The following NAIP variants were observed in gnomAD, a reference collection of about 807,000 sequenced individuals.
NAIP encodes baculoviral IAP repeat-containing protein 1.
Under a neutral mutation model 23.0 loss-of-function variants are expected in NAIP, and 15 were observed. The ratio of observed to expected loss-of-function variants is 0.65; its 90% CI spans 0.44 to 1.00. The LOEUF (loss-of-function observed/expected upper bound fraction) is 1.00. NAIP is among the 50% of genes least tolerant of loss of function. The pLI is 0.00. For synonymous variants in NAIP, 100 were observed against 100.2 expected (o/e 1.00, Z 0.01); for missense variants, 265 against 278.8 (o/e 0.95, Z 0.35).
At chr5:71,013,921 C>T (rs1461831893) in intron 3 of NAIP, among the ~76,000 whole-genome samples, 2 of 151,458 alleles carry the variant, frequency 1.3e-5, no homozygotes, top group Non-Finnish European at 1.5e-5. Context: ...TGTAAATTAG[C>T]TCCCCATTCC....
At chr5:71,009,489 C>T (rs531471366) in intron 5 of NAIP, among the ~76,000 whole-genome samples, 108 of 151,188 alleles carry the variant, frequency 7.1e-4, no homozygotes, top group African/African-American at 2.5e-3. Context: ...CCAGGAATTT[C>T]AGACCAGCCT....
Position 71,016,138 on chromosome 5 carries a change from C to T in NAIP, c.-3-3220G>A, listed in dbSNP as rs1341270458. ...TAAAAAAACTTTTTTTTTAAGAAAA[C>T]GAAAACTTAGCGGGGCATGGTGGCA... is the stretch of plus-strand genomic sequence containing the variant. On this transcript the variant is annotated intron_variant, in intron 3 of 16. Coordinates refer to ENST00000517649, the MANE Select transcript of NAIP (RefSeq NM_004536.3). Among the ~76,000 whole-genome samples, 9 of 150,354 alleles carry T rather than the reference C, an allele frequency of 6.0e-5. 1 individual carries two copies. Among genetic ancestry groups the T allele is most frequent in the East Asian group, 3.9e-4 (2 of 5,078 alleles).
chr5:71,011,852 A>G, intron 4 of NAIP: 1 of 353,832 alleles, frequency 2.8e-6, no homozygotes, highest in Non-Finnish European at 5.6e-6. Flanking sequence ...TATGCCTAGC[A>G]TAAAGTAGGT....
intron 13 of NAIP, among the ~76,000 whole-genome samples, chr5:70,978,012 CATAAA>C (rs2112871125): frequency 8.6e-6 from 1 of 115,640 alleles, no homozygotes; most frequent in South Asian, 3.5e-4. Context: ...AAAAAAGAAA[CATAAA>C]AGGAATGACA....
intron 5 of NAIP, among the ~76,000 whole-genome samples, chr5:71,010,073 A>G (rs1751074628): frequency 1.3e-5 from 2 of 151,526 alleles, no homozygotes; most frequent in African/African-American, 4.8e-5. Flanking sequence ...TCCAGCATAC[A>G]CCATTTTACA....
intron 3 of NAIP, 33 bp from the exon 4 acceptor site, chr5:71,012,951 A>G: frequency 6.7e-7 from 1 of 1,489,148 alleles, no homozygotes; most frequent in Non-Finnish European, 9.0e-7. Context: ...TTGATCCCTT[A>G]TAGTAAGATT....
chr5:71,015,423 AGAT>A (rs1297358162), intron 3 of NAIP, among the ~76,000 whole-genome samples: 1 of 143,588 alleles, frequency 7.0e-6, no homozygotes. Flanking sequence ...TATCAGGGAG[AGAT>A]GATAACAATT....
chr5:71,011,864 C>G (rs541363945), intron 4 of NAIP: 22 of 297,514 alleles, frequency 7.4e-5, no homozygotes, highest in African/African-American at 4.3e-4. Flanking sequence ...AAAGTAGGTA[C>G]AGTACTCAGT....
At chr5:70,979,587 T>A (rs200557379) in intron 13 of NAIP, among the ~76,000 whole-genome samples, 14,449 of 23,760 alleles carry the variant, frequency 0.61, 4,987 homozygotes, top group Non-Finnish European at 0.69. Flanking sequence ...AAAAAAAAAA[T>A]AATAATAATA....
At chr5:70,977,786 A>T (rs1334169488) in intron 13 of NAIP, among the ~76,000 whole-genome samples, 1 of 132,416 alleles carries the variant, frequency 7.6e-6, no homozygotes, top group African/African-American at 2.6e-5. Flanking sequence ...TGAGGTCAGG[A>T]GTTTGAGACT....
chr5:70,978,266 C>T (rs1750390734), intron 13 of NAIP, among the ~76,000 whole-genome samples: 2 of 149,976 alleles, frequency 1.3e-5, no homozygotes, highest in Admixed American at 1.3e-4. Context: ...ATCCTACCAG[C>T]CTCCTGAGTA....
At chr5:71,011,157 A>C (rs538791437) in intron 5 of NAIP, 118 bp downstream of exon 5, 6 of 712,016 alleles carry the variant, frequency 8.4e-6, no homozygotes, top group Non-Finnish European at 1.1e-5. Flanking sequence ...CACCTGAACC[A>C]GGGAGGGAGA....
chr5:71,017,859 T>A (rs1751514527), intron 3 of NAIP, among the ~76,000 whole-genome samples: 1 of 126,118 alleles, frequency 7.9e-6, no homozygotes, highest in Non-Finnish European at 1.7e-5. Flanking sequence ...TTTTTTTTTT[T>A]TTTTTTTATA....
chr5:70,977,666 A>C (rs1437770320), intron 13 of NAIP, among the ~76,000 whole-genome samples: 1 of 4,090 alleles, frequency 2.4e-4, no homozygotes, highest in African/African-American at 3.4e-4. Flanking sequence ...CTGCATCTCC[A>C]AAAAAAAAAA....
At chr5:70,973,121 C>T (rs1430674580) in intron 16 of NAIP, among the ~76,000 whole-genome samples, 1 of 151,784 alleles carries the variant, frequency 6.6e-6, no homozygotes, top group African/African-American at 2.4e-5. Context: ...AGGATGGTCT[C>T]GATCTCCTGA....
intron 4 of NAIP, chr5:71,011,819 T>A: frequency 2.4e-6 from 1 of 423,316 alleles, no homozygotes; most frequent in Non-Finnish European, 4.7e-6. Context: ...GTAAATTCAT[T>A]GGATAAGAAT....
intron 5 of NAIP, among the ~76,000 whole-genome samples, chr5:71,009,466 G>A (rs1211300727): frequency 4.6e-5 from 7 of 151,162 alleles, no homozygotes; most frequent in African/African-American, 1.5e-4. Flanking sequence ...CAAGGTGGGT[G>A]GATCACTTGA....
At chr5:71,002,349 ATTTT>A (rs1358622347) in intron 6 of NAIP, among the ~76,000 whole-genome samples, 1 of 26,654 alleles carries the variant, frequency 3.8e-5, no homozygotes, top group Non-Finnish European at 6.8e-5. Context: ...CACCCGGCTA[ATTTT>A]TTTTTTTTTT....
chr5:71,016,295 A>T (rs1433742804), intron 3 of NAIP, among the ~76,000 whole-genome samples: 1 of 145,174 alleles, frequency 6.9e-6, no homozygotes, highest in African/African-American at 2.5e-5. Context: ...CTCTGTCTCT[A>T]AAAAAAGTAA....
Sources: gnomAD v4.1 joint callset for allele counts (sites outside exome capture counted in the v4.1 genomes callset) on GRCh38, gnomAD v4.1.1 for gene constraint, MANE v1.5 for transcripts, NCBI Gene and HGNC (gene_info 2026-07-23, HGNC 2026-07-21) for gene names.